The following CDH12 variants were observed in gnomAD, a reference collection of about 807,000 sequenced individuals.
CDH12 encodes the protein cadherin 12.
CDH12 carries 41 observed loss-of-function variants against 74.1 expected under a neutral mutation model. The ratio of observed to expected loss-of-function variants is 0.55; its 90% CI spans 0.43 to 0.72. CDH12 has a LOEUF of 0.72. Ranked by LOEUF, CDH12 falls within the 30% of genes least tolerant of loss-of-function variation. The pLI is 0.00. For missense variants in CDH12, 945 were observed against 977.2 expected (o/e 0.97, Z 0.44); for synonymous variants, 399 against 355.0 (o/e 1.12, Z -1.39).
At chr5:22,081,745 G>T (rs1310531868) in intron 4 of CDH12, among the ~76,000 whole-genome samples, 1 of 152,158 alleles carries the variant, frequency 6.6e-6, no homozygotes, top group African/African-American at 2.4e-5. Flanking sequence ...CCGCCAGTCT[G>T]GTCCAAATTC....
At chr5:22,196,214 G>C (rs939917777) in intron 4 of CDH12, among the ~76,000 whole-genome samples, 30 of 149,718 alleles carry the variant, frequency 2.0e-4, no homozygotes, top group Admixed American at 1.6e-3. Context: ...GCATGATCTC[G>C]GCTCACTGCA....
chr5:22,006,634 T>C (rs1403324101), intron 5 of CDH12, among the ~76,000 whole-genome samples: 1 of 152,202 alleles, frequency 6.6e-6, no homozygotes, highest in East Asian at 1.9e-4. Context: ...ATTTACAAAC[T>C]AATAGGTGAG....
chr5:21,758,063 C>G (rs995201353), intron 13 of CDH12, among the ~76,000 whole-genome samples: 2 of 152,124 alleles, frequency 1.3e-5, no homozygotes, highest in Admixed American at 6.6e-5. Flanking sequence ...TTGCTTAAAC[C>G]TTTCAAAGAC....
At chr5:22,812,377 C>T (rs546902025) in intron 1 of CDH12, among the ~76,000 whole-genome samples, 2 of 152,160 alleles carry the variant, frequency 1.3e-5, no homozygotes, top group Non-Finnish European at 2.9e-5. Flanking sequence ...GTCTCCTCTG[C>T]AAACACATAT....
At chr5:22,432,379 G>T (rs1413032110) in intron 2 of CDH12, among the ~76,000 whole-genome samples, 1 of 151,936 alleles carries the variant, frequency 6.6e-6, no homozygotes, top group East Asian at 1.9e-4. Flanking sequence ...CTCTCAGAAC[G>T]TATCTCTGTC....
At chr5:22,431,189 G>T (rs1429424742) in intron 2 of CDH12, among the ~76,000 whole-genome samples, 1 of 152,082 alleles carries the variant, frequency 6.6e-6, no homozygotes, top group African/African-American at 2.4e-5. Context: ...ACAATGTATA[G>T]GCACACAGCA....
intron 1 of CDH12, among the ~76,000 whole-genome samples, chr5:22,515,901 T>A (rs1489933638): frequency 2.0e-5 from 3 of 152,118 alleles, no homozygotes; most frequent in Non-Finnish European, 4.4e-5. Context: ...CTTGTAAATT[T>A]CTATACAACA....
intron 1 of CDH12, among the ~76,000 whole-genome samples, chr5:22,631,237 A>C (rs1244779532): frequency 6.6e-6 from 1 of 152,188 alleles, no homozygotes; most frequent in African/African-American, 2.4e-5. Flanking sequence ...CAACTCCTCA[A>C]AGAACTTAAA....
At chr5:22,831,447 T>C (rs1004110119) in intron 1 of CDH12, among the ~76,000 whole-genome samples, 16 of 151,720 alleles carry the variant, frequency 1.1e-4, no homozygotes, top group African/African-American at 3.1e-4. Context: ...GAGTGTTATG[T>C]CTAGGTCTTT....
At chr5:22,055,998 CTT>C (rs1384399833) in intron 5 of CDH12, among the ~76,000 whole-genome samples, 1 of 151,952 alleles carries the variant, frequency 6.6e-6, no homozygotes, top group Admixed American at 6.6e-5. Flanking sequence ...AATATAAAGT[CTT>C]TTTTGCATTT....
At chr5:21,893,896 G>T (rs78856787) in intron 6 of CDH12, among the ~76,000 whole-genome samples, 1,523 of 152,210 alleles carry the variant, frequency 0.01, 20 homozygotes, top group South Asian at 0.049. Flanking sequence ...AAGGAATAAA[G>T]TTCTTTACAA....
intron 2 of CDH12, among the ~76,000 whole-genome samples, chr5:22,457,017 C>T (rs774605177): frequency 1.3e-4 from 20 of 151,996 alleles, no homozygotes; most frequent in Non-Finnish European, 2.4e-4. Context: ...AATTTATCTC[C>T]TGAAAATACT....
At position 22,483,179 on chromosome 5, in the gene CDH12, G is replaced by A. The variant is rs188216357; in HGVS notation, c.-428+22091C>T. Among the ~76,000 whole-genome samples the A allele has an allele frequency of 2.0e-3, 305 of 152,110 alleles. 1 individual carries two copies. The highest frequency in any genetic ancestry group is 7.1e-3 in the African/African-American group (296 of 41,498). On this transcript the variant is annotated intron_variant, in intron 2 of 14. Coordinates refer to ENST00000382254, the MANE Select transcript of CDH12 (RefSeq NM_004061.5). ...TTCTGGAAAATGTAACCACTTTTGAGACTATGTCATGTCAAAATTTTTGCC... is the reference window on the plus strand; with the variant it reads ...TTCTGGAAAATGTAACCACTTTTGAAACTATGTCATGTCAAAATTTTTGCC...
At chr5:22,535,358 G>T (rs886786659) in intron 1 of CDH12, among the ~76,000 whole-genome samples, 4 of 151,634 alleles carry the variant, frequency 2.6e-5, no homozygotes, top group Admixed American at 6.6e-5. Flanking sequence ...GGGTTTCACC[G>T]TGTTAGCCAG....
At chr5:22,478,947 C>T (rs1030902088) in intron 2 of CDH12, among the ~76,000 whole-genome samples, 1 of 152,120 alleles carries the variant, frequency 6.6e-6, no homozygotes, top group African/African-American at 2.4e-5. Context: ...GAATGATGCT[C>T]TAAGTCCAAT....
In CDH12 at chr5:22,211,852, T is replaced by G. The variant is rs574676631; in HGVS notation, c.-187+646A>C. On this transcript the variant is annotated intron_variant, in intron 4 of 14. Coordinates refer to ENST00000382254, the MANE Select transcript of CDH12 (RefSeq NM_004061.5). ...TTTTAGAAAGCACTTAATTTTCCTT[T>G]GCTTTCTTTTTTTATTCATGTCATA... 2.6e-5 allele frequency among the ~76,000 whole-genome samples: 4 copies of G among 151,836 alleles called. No individual in the cohort carries two copies. The East Asian group carries it at 7.7e-4, about 29-fold the overall frequency.
At chr5:22,059,603 T>C (rs1368893682) in intron 5 of CDH12, among the ~76,000 whole-genome samples, 2 of 152,016 alleles carry the variant, frequency 1.3e-5, no homozygotes, top group African/African-American at 4.8e-5. Context: ...CATTGGAAAA[T>C]ATCATTGCAC....
chr5:22,227,765 A>C (rs1752244237), intron 3 of CDH12, among the ~76,000 whole-genome samples: 1 of 152,232 alleles, frequency 6.6e-6, no homozygotes, highest in African/African-American at 2.4e-5. Flanking sequence ...CCCAACCTTA[A>C]CACTTCAGTG....
At chr5:22,302,397 G>A (rs116831893) in intron 3 of CDH12, among the ~76,000 whole-genome samples, 33 of 152,276 alleles carry the variant, frequency 2.2e-4, no homozygotes, top group Middle Eastern at 3.4e-3. Context: ...AATTATTCCA[G>A]GAGGCTTATT....
Sources: gnomAD v4.1 joint callset for allele counts (sites outside exome capture counted in the v4.1 genomes callset) on GRCh38, gnomAD v4.1.1 for gene constraint, MANE v1.5 for transcripts, NCBI Gene and HGNC (gene_info 2026-07-23, HGNC 2026-07-21) for gene names.